DNAH17: variants seen among roughly 807,000 people sequenced by gnomAD.
The protein encoded by DNAH17 is dynein axonemal heavy chain 17, also known as axonemal beta dynein heavy chain 17.
A neutral mutation model predicts 485.6 loss-of-function variants in DNAH17; 376 were observed. That is an observed-to-expected ratio of 0.77 (90% CI 0.71 to 0.84). The LOEUF is 0.84. Among genes scored for constraint, DNAH17 ranks in the 40% least tolerant of loss-of-function variants. The pLI is 0.00. For synonymous variants in DNAH17, 3,031 were observed against 2,405.9 expected (o/e 1.26, Z -7.60); for missense variants, 6,370 against 5,839.3 (o/e 1.09, Z -2.96).
chr17:78,554,074 T>G (rs2091967299), intron 14 of DNAH17, among the ~76,000 whole-genome samples: 1 of 152,054 alleles, frequency 6.6e-6, no homozygotes, highest in Non-Finnish European at 1.5e-5. Context: ...GGATTACAGG[T>G]GTGAGTCATG....
At chr17:78,454,802 T>G in intron 63 of DNAH17, 97 bp from the exon 64 acceptor site, 2 of 1,105,864 alleles carry the variant, frequency 1.8e-6, no homozygotes, top group African/African-American at 3.1e-5. Flanking sequence ...GTGCTGCGGT[T>G]AGGGGTGGAC....
At chr17:78,525,981 G>C (rs1226709619) in intron 24 of DNAH17, among the ~76,000 whole-genome samples, 3 of 152,338 alleles carry the variant, frequency 2.0e-5, no homozygotes. Flanking sequence ...GGTGCAGGTG[G>C]GGCCGACCCA....
intron 58 of DNAH17, 64 bp from the exon 59 acceptor site, chr17:78,460,321 C>CGTGCATGTGTGTGCATGTGT (rs71160298): frequency 0.37 from 326,824 of 872,036 alleles, 83,589 homozygotes; most frequent in East Asian, 0.52. Flanking sequence ...GGGGCGTGTA[C>CGTGCATGTGTGTGCATGTGT]GTGCATGTGT....
At chr17:78,538,678 G>A (rs1315798893) in intron 18 of DNAH17, among the ~76,000 whole-genome samples, 1 of 152,146 alleles carries the variant, frequency 6.6e-6, no homozygotes, top group Non-Finnish European at 1.5e-5. Context: ...CTTTGTTACT[G>A]GGACTTCTTT....
chr17:78,545,993 G>C (rs76196229), intron 16 of DNAH17, among the ~76,000 whole-genome samples: 18,137 of 148,790 alleles, frequency 0.12, 1,327 homozygotes, highest in East Asian at 0.21. Flanking sequence ...TTTTTCCTTT[G>C]AAACAGGGTC....
At chr17:78,500,133 C>T in intron 36 of DNAH17, 172 bp downstream of exon 36, 1 of 691,746 alleles carries the variant, frequency 1.4e-6, no homozygotes, top group Non-Finnish European at 2.3e-6. Flanking sequence ...TCCAGAGGGA[C>T]CACCTGAGGG....
chr17:78,566,604 G>A lies in DNAH17; in HGVS notation c.1569+10C>T, dbSNP rs1255242830. On this transcript the variant is annotated intron_variant, in intron 11 of 80. Transcript: ENST00000389840. ...CTCCAGATCTGCCTGCGTCTCCACT[G>A]CATGCTTACCTTTGCGGAGGACTTG... The A allele has an allele frequency of 3.8e-6, 6 of 1,584,722 alleles. No individual in the cohort carries two copies. The highest frequency in any genetic ancestry group is 5.2e-6 in the Non-Finnish European group (6 of 1,160,788).
Position 78,502,457 on chromosome 17 carries a change from T to C in DNAH17, c.5190+134A>G, listed in dbSNP as rs1227675592. ...TTATTTGGCCTGTGGAAACGACGGT[T>C]TTGCGGGGCTCAGCCTCCGAGAAGA... On this transcript the variant is annotated intron_variant, in intron 33 of 80. Transcript: ENST00000389840. The C allele has an allele frequency of 6.0e-6, 5 of 829,912 alleles. No homozygotes were observed. The East Asian group carries it at 1.1e-4, about 18-fold the overall frequency. The allele number at this position is 829,912 out of a possible 1,614,324, so 51.4% of individuals were successfully genotyped here. A position where few individuals can be genotyped will look rare whatever the true frequency, so the allele number is the denominator to read the frequency against.
intron 25 of DNAH17, among the ~76,000 whole-genome samples, chr17:78,518,132 C>T (rs959554042): frequency 7.2e-5 from 11 of 152,162 alleles, no homozygotes; most frequent in Non-Finnish European, 1.6e-4. Flanking sequence ...CAGACATAGG[C>T]TGTAACATGA....
At chr17:78,435,236 A>G (rs1332364041) in intron 74 of DNAH17, among the ~76,000 whole-genome samples, 2 of 152,248 alleles carry the variant, frequency 1.3e-5, no homozygotes, top group East Asian at 3.9e-4. Context: ...GCCCCCAAGG[A>G]CAAGGGAAGG....
rs781480742 is a variant in DNAH17 at position 78,440,938 on chromosome 17, C to A, written c.11677+113G>T. 2.3e-6 allele frequency: 3 copies of A among 1,310,558 alleles called. No homozygotes were observed. The South Asian group carries it at 4.1e-5, about 18-fold the overall frequency. 81.2% of individuals were successfully genotyped at this position (1,310,558 alleles called of 1,614,324 possible). On this transcript the variant is annotated intron_variant, in intron 72 of 80. Transcript: ENST00000389840. ...CATTGCCATCCTACCGGCGTGAAGC[C>A]GCGTCTTGGGTGTGAAGTGGTGTCT... is the stretch of plus-strand genomic sequence containing the variant.
chr17:78,450,042 C>T, intron 68 of DNAH17: 1 of 584,832 alleles, frequency 1.7e-6, no homozygotes. Context: ...GAGGAGGGAG[C>T]AGCTCATACC....
intron 62 of DNAH17, 68 bp downstream of exon 62, chr17:78,458,497 A>G: frequency 7.4e-7 from 1 of 1,348,016 alleles, no homozygotes; most frequent in Non-Finnish European, 1.1e-6. Context: ...CTCCCAAGGC[A>G]GTTGTGTGGG....
intron 46 of DNAH17, 40 bp from the exon 47 acceptor site, chr17:78,485,797 A>C (rs745490159): frequency 2.5e-6 from 4 of 1,601,622 alleles, no homozygotes; most frequent in Non-Finnish European, 3.4e-6. Flanking sequence ...TGTGATTCTC[A>C]GACACTTCTG....
intron 43 of DNAH17, among the ~76,000 whole-genome samples, chr17:78,491,213 C>T (rs1354318663): frequency 6.6e-6 from 1 of 152,264 alleles, no homozygotes; most frequent in Non-Finnish European, 1.5e-5. Flanking sequence ...GGCCTTTACT[C>T]TGAACCCATC....
At chr17:78,569,634 T>C (rs2143716003) in intron 7 of DNAH17, 107 bp from the exon 8 acceptor site, 14 of 1,343,824 alleles carry the variant, frequency 1.0e-5, no homozygotes, top group Non-Finnish European at 1.3e-5. Context: ...TATGGATATC[T>C]GAAAATAACC....
chr17:78,533,433 C>T (rs532289927), intron 19 of DNAH17, among the ~76,000 whole-genome samples: 5 of 152,140 alleles, frequency 3.3e-5, no homozygotes, highest in African/African-American at 7.2e-5. Context: ...CAGCAAAGCA[C>T]GTGCAAAGGC....
At chr17:78,514,153 C>T (rs369089594) in intron 26 of DNAH17, among the ~76,000 whole-genome samples, 33 of 152,262 alleles carry the variant, frequency 2.2e-4, no homozygotes, top group East Asian at 2.1e-3. Flanking sequence ...ACAACCAGAA[C>T]GGCCTACCTA....
At chr17:78,473,707 C>A (rs1429592378) in intron 54 of DNAH17, among the ~76,000 whole-genome samples, 1 of 151,946 alleles carries the variant, frequency 6.6e-6, no homozygotes, top group Non-Finnish European at 1.5e-5. Context: ...CACAATCAGC[C>A]CCAACAGGAA....
Sources: allele counts gnomAD v4.1 joint callset (sites outside exome capture counted in the v4.1 genomes callset), GRCh38; gene constraint gnomAD v4.1.1; transcripts MANE v1.5; gene names NCBI Gene and HGNC (gene_info 2026-07-23, HGNC 2026-07-21).